Variants in CNTNAP2 observed in about 807,000 individuals in gnomAD.
CNTNAP2 encodes contactin associated protein 2.
CNTNAP2 carries 98 observed loss-of-function variants against 155.2 expected under a neutral mutation model. The ratio of observed to expected loss-of-function variants is 0.63; its 90% CI spans 0.54 to 0.75. The LOEUF is 0.75. CNTNAP2 is among the 30% of genes least tolerant of loss of function. The probability of loss-of-function intolerance (pLI) is 0.00; values close to 1 mark genes in which losing one functional copy is unlikely to be tolerated. For synonymous variants in CNTNAP2, 651 were observed against 631.2 expected (o/e 1.03, Z -0.47); for missense variants, 1,727 against 1,688.1 (o/e 1.02, Z -0.40).
At chr7:148,066,642 C>T (rs1008381668) in intron 15 of CNTNAP2, among the ~76,000 whole-genome samples, 4 of 152,074 alleles carry the variant, frequency 2.6e-5, no homozygotes, top group South Asian at 2.1e-4. Flanking sequence ...GGACTACAGG[C>T]GCCCACCACC....
chr7:147,732,696 C>T lies in CNTNAP2; in HGVS notation c.2098+93390C>T, dbSNP rs527299576. Among the ~76,000 whole-genome samples, 12 of 152,308 alleles carry T rather than the reference C, an allele frequency of 7.9e-5. No individual in the cohort carries two copies. The South Asian group carries it at 1.9e-3, about 24-fold the overall frequency. On this transcript the variant is annotated intron_variant, in intron 13 of 23. Transcript: ENST00000361727. ...TATTTCTCCACATCTTCTCCAGCAC[C>T]TGCTGTTTCCTGACTTTTTAATGAC...
chr7:146,352,943 A>C (rs1433420132), intron 1 of CNTNAP2, among the ~76,000 whole-genome samples: 1 of 151,330 alleles, frequency 6.6e-6, no homozygotes, highest in Non-Finnish European at 1.5e-5. Flanking sequence ...TTTAGTAGAG[A>C]CAGGATTTCA....
At chr7:146,589,154 G>A (rs1584995483) in intron 1 of CNTNAP2, among the ~76,000 whole-genome samples, 2 of 152,236 alleles carry the variant, frequency 1.3e-5, no homozygotes, top group Non-Finnish European at 2.9e-5. Context: ...AACAGTATGA[G>A]CATTATTGCT....
At chr7:146,637,301 G>T (rs1283663192) in intron 1 of CNTNAP2, among the ~76,000 whole-genome samples, 1 of 152,152 alleles carries the variant, frequency 6.6e-6, no homozygotes, top group African/African-American at 2.4e-5. Context: ...TATTACACAT[G>T]AAAACTAAAG....
intron 13 of CNTNAP2, among the ~76,000 whole-genome samples, chr7:147,664,573 G>A (rs1346116192): frequency 6.6e-6 from 1 of 152,150 alleles, no homozygotes; most frequent in Non-Finnish European, 1.5e-5. Context: ...TTTTGCAGCA[G>A]CCAAAACGAA....
intron 1 of CNTNAP2, among the ~76,000 whole-genome samples, chr7:146,162,397 C>T (rs1298418169): frequency 6.6e-6 from 1 of 152,116 alleles, no homozygotes; most frequent in African/African-American, 2.4e-5. Context: ...CCAACAGACA[C>T]ATGAAAAAAT....
chr7:147,827,612 T>C (rs1447974857), intron 13 of CNTNAP2, among the ~76,000 whole-genome samples: 1 of 152,196 alleles, frequency 6.6e-6, no homozygotes, highest in Non-Finnish European at 1.5e-5. Context: ...ATATGTTACT[T>C]ACCTTTAGGA....
In CNTNAP2 at chr7:147,607,615, C is replaced by T. The variant is rs141422322; in HGVS notation, c.1898-31491C>T. Reference sequence around the variant, plus strand: ...TGTTTAATCTTCCCATGTTTGAAGACACAGACTGTGATGTGAACTAGGGTC... The same window carrying T: ...TGTTTAATCTTCCCATGTTTGAAGATACAGACTGTGATGTGAACTAGGGTC... On this transcript the variant is annotated intron_variant, in intron 12 of 23. Transcript: ENST00000361727. Among the ~76,000 whole-genome samples the T allele has an allele frequency of 2.2e-3, 330 of 152,248 alleles. 3 individuals carry two copies. Among genetic ancestry groups the T allele is most frequent in the African/African-American group, 7.5e-3 (310 of 41,560 alleles).
intron 9 of CNTNAP2, among the ~76,000 whole-genome samples, chr7:147,351,293 A>T (rs1190522695): frequency 6.6e-6 from 1 of 151,784 alleles, no homozygotes; most frequent in African/African-American, 2.4e-5. Flanking sequence ...ATAAATTTGT[A>T]TATATTATAC....
intron 3 of CNTNAP2, among the ~76,000 whole-genome samples, chr7:146,959,732 A>T (rs1245873476): frequency 6.6e-6 from 1 of 151,384 alleles, no homozygotes; most frequent in Non-Finnish European, 1.5e-5. Context: ...AAAAAAAAAA[A>T]AGAAAGAAAT....
At chr7:146,770,353 T>C (rs1171126671) in intron 1 of CNTNAP2, among the ~76,000 whole-genome samples, 15 of 142,178 alleles carry the variant, frequency 1.1e-4, no homozygotes, top group African/African-American at 3.6e-4. Context: ...CACACACATA[T>C]ACATATAATC....
intron 1 of CNTNAP2, among the ~76,000 whole-genome samples, chr7:146,731,221 A>G (rs972247600): frequency 1.3e-5 from 2 of 152,072 alleles, no homozygotes; most frequent in African/African-American, 4.8e-5. Context: ...CAAAACCATG[A>G]TGGGGGATGA....
At chr7:146,600,213 A>C (rs1325194095) in intron 1 of CNTNAP2, among the ~76,000 whole-genome samples, 1 of 152,114 alleles carries the variant, frequency 6.6e-6, no homozygotes, top group African/African-American at 2.4e-5. Context: ...GGCACCCATG[A>C]TACCTGGCTG....
At chr7:146,869,392 G>A (rs371689997) in intron 3 of CNTNAP2, among the ~76,000 whole-genome samples, 4 of 152,194 alleles carry the variant, frequency 2.6e-5, no homozygotes, top group South Asian at 4.1e-4. Flanking sequence ...TGGTAGATTC[G>A]CTTTTTGATG....
intron 10 of CNTNAP2, among the ~76,000 whole-genome samples, chr7:147,433,685 C>T (rs1210212471): frequency 6.6e-6 from 1 of 152,120 alleles, no homozygotes; most frequent in African/African-American, 2.4e-5. Context: ...GTTTCTCCTC[C>T]GTGTCCTACG....
chr7:146,995,119 A>G (rs1563036397), intron 3 of CNTNAP2, among the ~76,000 whole-genome samples: 1 of 152,070 alleles, frequency 6.6e-6, no homozygotes, highest in South Asian at 2.1e-4. Flanking sequence ...TTATGTCACT[A>G]AACATACTGT....
At chr7:146,612,626 T>A (rs140793108) in intron 1 of CNTNAP2, among the ~76,000 whole-genome samples, 2 of 152,068 alleles carry the variant, frequency 1.3e-5, no homozygotes, top group African/African-American at 4.8e-5. Flanking sequence ...TTCTTTAAGA[T>A]GTCATTTTTA....
chr7:146,133,751 C>G (rs1411886103), intron 1 of CNTNAP2, among the ~76,000 whole-genome samples: 5 of 152,160 alleles, frequency 3.3e-5, no homozygotes. Context: ...TCTGCAGGCT[C>G]TGTTCTGTTC....
intron 12 of CNTNAP2, among the ~76,000 whole-genome samples, chr7:147,636,672 C>T (rs956699299): frequency 3.3e-5 from 5 of 152,164 alleles, no homozygotes; most frequent in African/African-American, 1.2e-4. Flanking sequence ...TCAACTCCCA[C>T]TCATGAGTGA....
Sources: allele counts gnomAD v4.1 joint callset (sites outside exome capture counted in the v4.1 genomes callset), GRCh38; gene constraint gnomAD v4.1.1; transcripts MANE v1.5; gene names NCBI Gene and HGNC (gene_info 2026-07-23, HGNC 2026-07-21).